Variants in PAXBP1 observed in about 807,000 individuals in gnomAD.
PAXBP1 encodes the protein PAX3 and PAX7 binding protein 1.
In PAXBP1, 44 loss-of-function variants were observed where a neutral mutation model predicts 119.9. The observed-to-expected ratio is 0.37, with a 90% confidence interval of 0.29 to 0.47. The LOEUF (loss-of-function observed/expected upper bound fraction) is 0.47. PAXBP1 is among the 20% of genes least tolerant of loss of function. The pLI is 0.99. For synonymous variants in PAXBP1, 393 were observed against 406.6 expected (o/e 0.97, Z 0.40); for missense variants, 898 against 1,134.1 (o/e 0.79, Z 2.99).
In PAXBP1 at chr21:32,744,037, T is replaced by C. The variant is rs550802446; in HGVS notation, c.2191-283A>G. On this transcript the variant is annotated intron_variant, in intron 13 of 17. Transcript: ENST00000331923. ...AGCTCTCAAAGTGAAAATTCAACAA[T>C]GACAAAGAGCACCCACCTTCTCTAC... 2.6e-5 allele frequency among the ~76,000 whole-genome samples: 4 copies of C among 152,194 alleles called. No homozygotes were observed. The South Asian group carries it at 8.3e-4, about 32-fold the overall frequency.
In PAXBP1 at chr21:32,750,952, G is replaced by A. The variant is rs2043949128; in HGVS notation, c.1688C>T (p.Thr563Ile). The A allele has an allele frequency of 6.2e-7, 1 of 1,613,820 alleles. No homozygotes were observed. Among genetic ancestry groups the A allele is most frequent in the Non-Finnish European group, 8.5e-7 (1 of 1,179,858 alleles). Residue 563 changes from threonine to isoleucine, a missense_variant, in exon 10 of 18, where the codon ACT (threonine) becomes ATT (isoleucine). Around this residue, in one of 2 missense-constraint regions of PAXBP1, gnomAD observed 599 missense variants for 852.7 expected, o/e 0.70. Transcript: ENST00000331923. The stretch of plus-strand genomic sequence containing the variant: ...ATTGAAATTAGTAATATCTGTAGAA[G>A]TTTCTTCATCATCACTGGAAAGGCC... Reference protein sequence around the residue: ...LEGLSSDDEETSTDITNFNLE... With the variant: ...LEGLSSDDEEISTDITNFNLE...
chr21:32,761,881 T>TA (rs1463482266), intron 4 of PAXBP1, among the ~76,000 whole-genome samples: 1 of 151,814 alleles, frequency 6.6e-6, no homozygotes, highest in Non-Finnish European at 1.5e-5. Context: ...AAATTAAAAA[T>TA]AAAAAAATTA....
At chr21:32,755,772 T>C (rs2044033897) in intron 7 of PAXBP1, 1 of 159,910 alleles carries the variant, frequency 6.3e-6, no homozygotes, top group Admixed American at 6.3e-5. Context: ...CACTGTGTGG[T>C]ACCAAAAAAG....
At chr21:32,770,605 C>CAAATGCAT (rs2044322631) in intron 1 of PAXBP1, among the ~76,000 whole-genome samples, 1 of 152,178 alleles carries the variant, frequency 6.6e-6, no homozygotes, top group African/African-American at 2.4e-5. Context: ...GGGTTATGCA[C>CAAATGCAT]ATTCAAATGG....
chr21:32,736,283 G>C (rs563079628), intron 17 of PAXBP1, among the ~76,000 whole-genome samples: 56 of 152,238 alleles, frequency 3.7e-4, no homozygotes, highest in African/African-American at 1.3e-3. Flanking sequence ...CTGCCTCCCA[G>C]GTTCAAGCAA....
chr21:32,735,224 A>G (rs1601578068), intron 17 of PAXBP1, among the ~76,000 whole-genome samples, 157 bp from the exon 18 acceptor site: 1 of 152,218 alleles, frequency 6.6e-6, no homozygotes, highest in East Asian at 1.9e-4. Flanking sequence ...GCATGTTAAA[A>G]AAAAAAAAGT....
At chr21:32,745,186 A>C (rs556130852) in intron 12 of PAXBP1, among the ~76,000 whole-genome samples, 1 of 152,344 alleles carries the variant, frequency 6.6e-6, no homozygotes, top group South Asian at 2.1e-4. Flanking sequence ...AAGAATTTCA[A>C]ACTAACATTT....
chr21:32,734,428 A>G lies in PAXBP1; in HGVS notation c.*522T>C, dbSNP rs1321727840. 1 of 155,462 alleles carries G rather than the reference A, an allele frequency of 6.4e-6. No individual in the cohort carries two copies. The highest frequency in any genetic ancestry group is 1.4e-5 in the Non-Finnish European group (1 of 70,118). 9.6% of individuals were successfully genotyped at this position (155,462 alleles called of 1,614,324 possible). A position where few individuals can be genotyped will look rare whatever the true frequency, so the allele number is the denominator to read the frequency against. Reference sequence around the variant, plus strand: ...GTCCACAACTCAACTCTCAATGTTAAGGCAGCACAGCTACAGTGATAGCAA... The same window carrying G: ...GTCCACAACTCAACTCTCAATGTTAGGGCAGCACAGCTACAGTGATAGCAA... On this transcript the variant is annotated 3_prime_UTR_variant, in exon 18 of 18. Transcript: ENST00000331923.
chr21:32,771,328 T>C lies in PAXBP1; in HGVS notation c.341A>G (p.Glu114Gly). The C allele has an allele frequency of 6.3e-7, 1 of 1,580,380 alleles. No homozygotes were observed. ...GGCGTCCGAAGCGCGCACTTTACCTTCCTCCTCGTCCTGGAAGCTGAGCAG... is the reference window on the plus strand; with the variant it reads ...GGCGTCCGAAGCGCGCACTTTACCTCCCTCCTCGTCCTGGAAGCTGAGCAG... ...ASLLSFQDEE[E>G]ENEEVFKVKK... Residue 114 changes from glutamate to glycine, a missense_variant and splice_region_variant, in exon 1 of 18, where the codon GAA (glutamate) becomes GGA (glycine). By Grantham distance (98) the Glu-to-Gly change is moderately conservative. This residue lies in a region of PAXBP1 where 299 missense variants were observed against 281.4 expected (regional missense o/e 1.06). Coordinates refer to ENST00000331923, the MANE Select transcript of PAXBP1 (RefSeq NM_016631.4).
chr21:32,743,891 CTAAAG>C (rs944236030), intron 13 of PAXBP1, 137 bp from the exon 14 acceptor site: 5 of 568,076 alleles, frequency 8.8e-6, no homozygotes, highest in African/African-American at 7.7e-5. Context: ...ATTGAAGACC[CTAAAG>C]TAATTAATAC....
Position 32,734,973 on chromosome 21 carries a change from TA to T in PAXBP1, c.2730del (p.Phe910LeufsTer4). ...ATCTATTTTCCTTCGATCAAAGACT[TA>T]AATTCTTTCACATTGTGGTCACTTG... ...SVASDHNVKEFKSLIEGK is the reference protein window; with the variant it reads ...SVASDHNVKEXKSLIEGK On this transcript the variant is annotated frameshift_variant, in exon 18 of 18. Transcript: ENST00000331923. LOFTEE classifies it high-confidence loss of function. 6.2e-7 allele frequency: 1 copy of T among 1,613,756 alleles called. No individual in the cohort carries two copies. Among genetic ancestry groups the T allele is most frequent in the South Asian group, 1.1e-5 (1 of 91,068 alleles).
chr21:32,769,997 C>T, intron 1 of PAXBP1, 55 bp from the exon 2 acceptor site: 1 of 1,337,312 alleles, frequency 7.5e-7, no homozygotes, highest in Non-Finnish European at 1.0e-6. Flanking sequence ...AAATATTTTC[C>T]CTTCTTTCAC....
At chr21:32,748,473 T>TTA (rs2043908482) in intron 11 of PAXBP1, 26 bp downstream of exon 11, 1 of 1,586,182 alleles carries the variant, frequency 6.3e-7, no homozygotes, top group African/African-American at 1.4e-5. Context: ...TTATAACACT[T>TTA]TCTAATAGTG....
At chr21:32,764,942 C>G (rs114260857) in intron 2 of PAXBP1, among the ~76,000 whole-genome samples, 1 of 152,164 alleles carries the variant, frequency 6.6e-6, no homozygotes, top group Middle Eastern at 3.2e-3. Flanking sequence ...TAAGCCCATG[C>G]GAGGCAACTC....
Position 32,734,920 on chromosome 21 carries a change from C to G in PAXBP1, c.*30G>C. The G allele has an allele frequency of 6.5e-7, 1 of 1,530,178 alleles. No individual in the cohort carries two copies. The allele number at this position is 1,530,178 out of a possible 1,614,324, so 94.8% of individuals were successfully genotyped here. A position where few individuals can be genotyped will look rare whatever the true frequency, so the allele number is the denominator to read the frequency against. The stretch of plus-strand genomic sequence containing the variant: ...AAATTTACACATTGGGAATGGTAAT[C>G]AAGCAAATAGGTTTTTCAGTCTCAT... On this transcript the variant is annotated 3_prime_UTR_variant, in exon 18 of 18. Coordinates refer to ENST00000331923, the MANE Select transcript of PAXBP1 (RefSeq NM_016631.4).
chr21:32,757,796 T>C (rs576529068), intron 7 of PAXBP1, among the ~76,000 whole-genome samples: 15 of 152,350 alleles, frequency 9.8e-5, no homozygotes, highest in Non-Finnish European at 1.9e-4. Context: ...GCTCCCACCA[T>C]GCCCACTGGG....
Position 32,751,262 on chromosome 21 carries a change from A to G in PAXBP1, c.1508-44T>C, listed in dbSNP as rs562868264. On this transcript the variant is annotated intron_variant, in intron 8 of 17. Transcript: ENST00000331923. ...TAAAATTAAAAGCCATCTTTCAACAATCTTGAGGAAAGAGTTTGCACAGAA... is the reference window on the plus strand; with the variant it reads ...TAAAATTAAAAGCCATCTTTCAACAGTCTTGAGGAAAGAGTTTGCACAGAA... 5 of 1,578,242 alleles carry G rather than the reference A, an allele frequency of 3.2e-6. No individual in the cohort carries two copies. The South Asian group carries it at 4.4e-5, about 14-fold the overall frequency.
At position 32,759,821 on chromosome 21, in the gene PAXBP1, C is replaced by T; in HGVS notation, c.1149G>A (p.Met383Ile). The part of the protein sequence containing the change: ...TVPFKTPSNE[M>I]TPVTIDLVKK... Reference sequence around the variant, plus strand: ...TTACCAAATCAATAGTAACGGGAGTCATCTCATTACTGGGAGTTTTGAAAG... The same window carrying T: ...TTACCAAATCAATAGTAACGGGAGTTATCTCATTACTGGGAGTTTTGAAAG... Residue 383 changes from methionine to isoleucine, a missense_variant, in exon 6 of 18, where the codon ATG becomes ATA. Transcript: ENST00000331923. The T allele has an allele frequency of 6.2e-7, 1 of 1,614,018 alleles. No homozygotes were observed. Among genetic ancestry groups the T allele is most frequent in the Non-Finnish European group, 8.5e-7 (1 of 1,179,948 alleles).
intron 1 of PAXBP1, among the ~76,000 whole-genome samples, chr21:32,770,635 G>A (rs1231688008): frequency 2.0e-5 from 3 of 152,154 alleles, no homozygotes; most frequent in Non-Finnish European, 4.4e-5. Context: ...AAGATTTAAG[G>A]CTCATTTAAG....
Sources: gnomAD v4.1 joint callset for allele counts (sites outside exome capture counted in the v4.1 genomes callset) on GRCh38, gnomAD v4.1.1 for gene constraint, gnomAD v4.1.1 regional missense constraint, MANE v1.5 for transcripts, NCBI Gene and HGNC (gene_info 2026-07-23, HGNC 2026-07-21) for gene names.